The following ADAP1 variants were observed in gnomAD, a reference collection of about 807,000 sequenced individuals.
ADAP1 encodes the protein arf-GAP with dual PH domain-containing protein 1.
ADAP1 carries 31 observed loss-of-function variants against 54.9 expected under a neutral mutation model. That is an observed-to-expected ratio of 0.56 (90% CI 0.42 to 0.76). The LOEUF (loss-of-function observed/expected upper bound fraction) is 0.76, where lower values mean the gene tolerates loss of function less well. Ranked by LOEUF, ADAP1 falls within the 30% of genes least tolerant of loss-of-function variation. The pLI, the probability that ADAP1 is intolerant of heterozygous loss-of-function variation, is 0.00. For missense variants in ADAP1, 535 were observed against 512.4 expected (o/e 1.04, Z -0.42); for synonymous variants, 313 against 202.6 (o/e 1.55, Z -4.63).
At chr7:908,875 G>GC (rs1044867548) in intron 4 of ADAP1, among the ~76,000 whole-genome samples, 181 of 152,300 alleles carry the variant, frequency 1.2e-3, no homozygotes, top group African/African-American at 4.1e-3. Context: ...GCCCACGGGG[G>GC]TGGAGCTGGC....
At chr7:902,848 A>G (rs182753458) in intron 6 of ADAP1, among the ~76,000 whole-genome samples, 12 of 152,304 alleles carry the variant, frequency 7.9e-5, no homozygotes, top group Non-Finnish European at 1.0e-4. Flanking sequence ...GGATGGAGGA[A>G]TCCGTGGTGC....
At chr7:909,837 G>A (rs551853069) in intron 4 of ADAP1, among the ~76,000 whole-genome samples, 2 of 151,316 alleles carry the variant, frequency 1.3e-5, no homozygotes, top group African/African-American at 2.4e-5. Flanking sequence ...CCCGCTGTGT[G>A]TCGGGTCCTA....
intron 1 of ADAP1, among the ~76,000 whole-genome samples, chr7:949,789 C>CCA (rs1267198902): frequency 2.4e-5 from 3 of 127,464 alleles, no homozygotes; most frequent in African/African-American, 1.1e-4. Flanking sequence ...CACCAGCCCT[C>CCA]CACACCCGGC....
intron 4 of ADAP1, among the ~76,000 whole-genome samples, chr7:912,983 G>C (rs1364315877): frequency 2.0e-5 from 3 of 152,002 alleles, no homozygotes; most frequent in African/African-American, 4.8e-5. Context: ...TGAGTAGCTG[G>C]GACCATAGGC....
chr7:915,828 C>T (rs1421891628), intron 4 of ADAP1, among the ~76,000 whole-genome samples: 2 of 152,090 alleles, frequency 1.3e-5, no homozygotes, highest in African/African-American at 4.8e-5. Context: ...CGACGAGACG[C>T]TGTCTGCCAC....
chr7:905,176 T>A lies in ADAP1; in HGVS notation c.389-4A>T. 6.2e-7 allele frequency: 1 copy of A among 1,602,822 alleles called. No homozygotes were observed. The highest frequency in any genetic ancestry group is 8.5e-7 in the Non-Finnish European group (1 of 1,176,760). ...CAGAGAAAACCCTCACGGTACCCTG[T>A]GGGGGAAAGGGGACACGAGTCGGTG... On this transcript the variant is annotated splice_region_variant and splice_polypyrimidine_tract_variant and intron_variant, in intron 4 of 10. Transcript: ENST00000265846.
intron 3 of ADAP1, among the ~76,000 whole-genome samples, chr7:922,509 C>T (rs967919713): frequency 3.3e-5 from 5 of 152,192 alleles, no homozygotes; most frequent in East Asian, 1.9e-4. Flanking sequence ...GACCCCTCCC[C>T]GCTTTCCCCA....
At chr7:935,554 G>C (rs1184764765) in intron 1 of ADAP1, 49 bp from the exon 2 acceptor site, 11 of 1,547,418 alleles carry the variant, frequency 7.1e-6, no homozygotes, top group Non-Finnish European at 8.7e-6. Context: ...AGGGACCCCG[G>C]AGGGAGGGTG....
Position 919,956 on chromosome 7 carries a change from G to A in ADAP1, c.388+12C>T, listed in dbSNP as rs568152993. On this transcript the variant is annotated intron_variant, in intron 4 of 10. Coordinates refer to ENST00000265846, the MANE Select transcript of ADAP1 (RefSeq NM_006869.4). The stretch of plus-strand genomic sequence containing the variant: ...GTAGCCGGGAGGCCCCACCCCACCC[G>A]GGTGGCCTCACCTGCCGAGTAGGGC... 1.5e-5 allele frequency: 24 copies of A among 1,599,868 alleles called. No homozygotes were observed. The South Asian group carries it at 1.7e-4, about 11-fold the overall frequency.
At chr7:912,599 G>A (rs969440025) in intron 4 of ADAP1, among the ~76,000 whole-genome samples, 1 of 152,210 alleles carries the variant, frequency 6.6e-6, no homozygotes, top group African/African-American at 2.4e-5. Context: ...GTCCTTTGTC[G>A]TCAAAGAGCA....
At chr7:918,787 A>G (rs983685015) in intron 4 of ADAP1, among the ~76,000 whole-genome samples, 6 of 151,498 alleles carry the variant, frequency 4.0e-5, no homozygotes, top group Non-Finnish European at 8.8e-5. Context: ...TGGGGAAAAA[A>G]CCACTCAAGG....
chr7:954,778 C>A (rs1375815617), upstream of ADAP1: 6 of 901,076 alleles, frequency 6.7e-6, no homozygotes, highest in African/African-American at 7.3e-5. Context: ...CTCCCTCGGC[C>A]GCTCCGGCGC....
At chr7:954,367 G>T in intron 1 of ADAP1, 29 bp downstream of exon 1, 4 of 361,142 alleles carry the variant, frequency 1.1e-5, no homozygotes, top group Non-Finnish European at 1.5e-5. Flanking sequence ...GGACCCACCC[G>T]GCCCCGCGCC....
At chr7:951,241 C>T (rs1270146747) in intron 1 of ADAP1, among the ~76,000 whole-genome samples, 20 of 151,846 alleles carry the variant, frequency 1.3e-4, no homozygotes, top group African/African-American at 3.9e-4. Context: ...GGCGTGGTGG[C>T]GGGTGCCTGT....
In ADAP1 at chr7:920,103, C is replaced by A; in HGVS notation, c.306-53G>T. 6.5e-7 allele frequency: 1 copy of A among 1,536,438 alleles called. No individual in the cohort carries two copies. On this transcript the variant is annotated intron_variant, in intron 3 of 10. Transcript: ENST00000265846. The surrounding 1 kb of genome is among the most constrained non-coding windows in gnomAD (Gnocchi z 4.5). ...TGGGCCAAGGCGGCCTCCGACCCAGCACACGCCGCTCTCTGGCCCGGACCC... is the reference window on the plus strand; with the variant it reads ...TGGGCCAAGGCGGCCTCCGACCCAGAACACGCCGCTCTCTGGCCCGGACCC...
chr7:949,340 A>T (rs1847215234), intron 1 of ADAP1, among the ~76,000 whole-genome samples: 1 of 152,170 alleles, frequency 6.6e-6, no homozygotes, highest in East Asian at 1.9e-4. Flanking sequence ...CTGTTTCCTC[A>T]TTCTTTCATT....
chr7:898,682 G>A lies in ADAP1; in HGVS notation c.*239C>T. On this transcript the variant is annotated 3_prime_UTR_variant, in exon 11 of 11. Coordinates refer to ENST00000265846, the MANE Select transcript of ADAP1 (RefSeq NM_006869.4). Reference sequence around the variant, plus strand: ...CGGGTCAGGGAGGGGCAGGTTGGCTGGGTGTGGTCAGCAGCAGCATGACGG... The same window carrying A: ...CGGGTCAGGGAGGGGCAGGTTGGCTAGGTGTGGTCAGCAGCAGCATGACGG... 3.4e-6 allele frequency: 2 copies of A among 587,290 alleles called. No individual in the cohort carries two copies. The highest frequency in any genetic ancestry group is 2.0e-5 in the South Asian group (1 of 50,272). 36.4% of individuals were successfully genotyped at this position (587,290 alleles called of 1,614,324 possible).
rs28708384 is a variant in ADAP1, at chr7:926,360, G to A, written c.305+193C>T. 0.05 allele frequency among the ~76,000 whole-genome samples: 7,451 copies of A among 150,266 alleles called. 318 individuals are homozygous for A. Among genetic ancestry groups the A allele is most frequent in the Admixed American group, 0.099 (1,500 of 15,098 alleles). ...TCCCAGCCCCACCCCAGCGCCCCCC[G>A]CCCCAGAACCAAAGCCCGGTGGTGG... On this transcript the variant is annotated intron_variant, in intron 3 of 10. Transcript: ENST00000265846. This position sits in a 1 kb window ranked among gnomAD's most constrained non-coding sequence, Gnocchi z 4.6.
At chr7:935,247 G>T in intron 2 of ADAP1, 128 bp downstream of exon 2, 1 of 1,346,160 alleles carries the variant, frequency 7.4e-7, no homozygotes, top group Non-Finnish European at 1.0e-6. Context: ...GGTCCAGCCA[G>T]CCAGGCCCCC....
Sources: allele counts gnomAD v4.1 joint callset (sites outside exome capture counted in the v4.1 genomes callset), GRCh38; gene constraint gnomAD v4.1.1; non-coding constraint Gnocchi (gnomAD v3.1); transcripts MANE v1.5; gene names NCBI Gene and HGNC (gene_info 2026-07-23, HGNC 2026-07-21).